Variants in USP43 observed in about 807,000 individuals in gnomAD.
The protein encoded by USP43 is ubiquitin specific peptidase 43, also known as ubiquitin carboxyl-terminal hydrolase 43.
Under a neutral mutation model 90.7 loss-of-function variants are expected in USP43, and 33 were observed. That is an observed-to-expected ratio of 0.36 (90% CI 0.28 to 0.49). The LOEUF (loss-of-function observed/expected upper bound fraction) is 0.49, where lower values mean the gene tolerates loss of function less well. Ranked by LOEUF, USP43 falls within the 20% of genes least tolerant of loss-of-function variation. The pLI, the probability that USP43 is intolerant of heterozygous loss-of-function variation, is 0.98. For missense variants in USP43, 1,274 were observed against 1,476.4 expected, an observed-to-expected ratio of 0.86 and a Z score of 2.25; for synonymous variants, 598 against 615.8, an observed-to-expected ratio of 0.97 and a Z score of 0.43.
chr17:9,651,719 A>G (rs1004004246), intron 1 of USP43, among the ~76,000 whole-genome samples: 1 of 152,230 alleles, frequency 6.6e-6, no homozygotes, highest in African/African-American at 2.4e-5. Flanking sequence ...TTTTAGATCT[A>G]CAGTGATATA....
chr17:9,728,231 C>A lies in USP43; in HGVS notation c.2613C>A (p.Ala871=). 6.2e-7 allele frequency: 1 copy of A among 1,613,882 alleles called. No individual in the cohort carries two copies. ...EKSASPRSNV[A]LPANSEDGGR... ...CAGCATCGCCGAGGTCCAACGTCGCCCTTCCTGCTAACAGCGAAGATGGTG... is the reference window on the plus strand; with the variant it reads ...CAGCATCGCCGAGGTCCAACGTCGCACTTCCTGCTAACAGCGAAGATGGTG... The change falls in exon 15 of 15, where the codon GCC becomes GCA. Residue 871 remains alanine (A), a synonymous_variant. Transcript: ENST00000285199. The surrounding 1 kb of genome is among the most constrained non-coding windows in gnomAD (Gnocchi z 6.2).
rs748156389 is a variant in USP43, at chr17:9,712,024, G to A, written c.2227G>A (p.Gly743Ser). The change falls in exon 14 of 15, where the codon GGC becomes AGC. Residue 743 changes from glycine (G) to serine (S), a missense_variant. This residue lies in a region of USP43 where 285 missense variants were observed against 349.6 expected (regional missense o/e 0.82). Transcript: ENST00000285199. Reference sequence around the variant, plus strand: ...GCTCTTACGGCTCGGGAGCCACGCTGGCAGCACAAGGGGAAGCCTGCTGTC... The same window carrying A: ...GCTCTTACGGCTCGGGAGCCACGCTAGCAGCACAAGGGGAAGCCTGCTGTC... ...HWLLRLGSHA[G>S]STRGSLLSWS... The A allele has an allele frequency of 6.2e-7, 1 of 1,612,028 alleles. No individual in the cohort carries two copies.
intron 3 of USP43, among the ~76,000 whole-genome samples, chr17:9,673,481 C>T (rs1913571593): frequency 2.0e-5 from 3 of 152,090 alleles, no homozygotes; most frequent in Admixed American, 2.0e-4. Context: ...TGCACTCTAG[C>T]CCGGGTGACA....
chr17:9,711,960 C>T lies in USP43; in HGVS notation c.2171-8C>T. On this transcript the variant is annotated splice_polypyrimidine_tract_variant and splice_region_variant and intron_variant, in intron 13 of 14. Transcript: ENST00000285199. Reference sequence around the variant, plus strand: ...GGCTCAGCCTCCCTCTCTGTGTTTCCTCCACAGGCTCTACCAGCTCCTCCC... The same window carrying T: ...GGCTCAGCCTCCCTCTCTGTGTTTCTTCCACAGGCTCTACCAGCTCCTCCC... 6.3e-7 allele frequency: 1 copy of T among 1,589,306 alleles called. No homozygotes were observed. Among genetic ancestry groups the T allele is most frequent in the Non-Finnish European group, 8.6e-7 (1 of 1,167,252 alleles).
At chr17:9,706,054 T>C (rs1915857725) in intron 12 of USP43, among the ~76,000 whole-genome samples, 1 of 152,108 alleles carries the variant, frequency 6.6e-6, no homozygotes, top group Non-Finnish European at 1.5e-5. Flanking sequence ...AGTAGGAAAA[T>C]GGTATCTCAG....
At chr17:9,703,393 G>T (rs375018117) in intron 12 of USP43, among the ~76,000 whole-genome samples, 1 of 152,198 alleles carries the variant, frequency 6.6e-6, no homozygotes, top group Non-Finnish European at 1.5e-5. Context: ...CGTGAGAAGC[G>T]TTGGCATCTG....
chr17:9,672,320 A>C (rs1240879898), intron 3 of USP43, among the ~76,000 whole-genome samples: 2 of 151,994 alleles, frequency 1.3e-5, no homozygotes, highest in East Asian at 3.9e-4. Flanking sequence ...TTCAATATAA[A>C]ATTTGCCCAT....
chr17:9,720,634 A>G (rs1479567018), intron 14 of USP43, among the ~76,000 whole-genome samples: 3 of 151,894 alleles, frequency 2.0e-5, no homozygotes, highest in African/African-American at 7.3e-5. Flanking sequence ...GATTACAGGC[A>G]TGCACCACCA....
intron 3 of USP43, among the ~76,000 whole-genome samples, chr17:9,667,810 G>A (rs75716089): frequency 0.044 from 6,728 of 152,220 alleles, 204 homozygotes; most frequent in Middle Eastern, 0.11. Flanking sequence ...ACGTGTGCGC[G>A]TGTCTGTGTG....
intron 12 of USP43, among the ~76,000 whole-genome samples, chr17:9,707,717 T>A (rs1204734921): frequency 6.6e-6 from 1 of 152,042 alleles, no homozygotes; most frequent in African/African-American, 2.4e-5. Flanking sequence ...ATGCACTGAT[T>A]ACCAGTGTCC....
chr17:9,654,123 T>C (rs1912064385), intron 1 of USP43, among the ~76,000 whole-genome samples: 1 of 152,094 alleles, frequency 6.6e-6, no homozygotes, highest in Admixed American at 6.5e-5. Context: ...TGAGGGTTGT[T>C]TGGGGGTAGG....
chr17:9,662,170 T>C (rs415432), intron 2 of USP43, among the ~76,000 whole-genome samples: 58,121 of 151,916 alleles, frequency 0.38, 14,840 homozygotes, highest in East Asian at 0.83. Flanking sequence ...ATGGGCCTAT[T>C]CCTTGGTAGG....
At chr17:9,657,565 T>A (rs996118641) in intron 2 of USP43, among the ~76,000 whole-genome samples, 3 of 151,238 alleles carry the variant, frequency 2.0e-5, no homozygotes, top group Non-Finnish European at 4.4e-5. Context: ...GGGAAAGAGA[T>A]TTAATTGACT....
intron 2 of USP43, among the ~76,000 whole-genome samples, chr17:9,661,635 G>T (rs1249821533): frequency 6.6e-6 from 1 of 152,122 alleles, no homozygotes; most frequent in African/African-American, 2.4e-5. Flanking sequence ...TGGGATTACA[G>T]GTGTGAGCCA....
intron 3 of USP43, among the ~76,000 whole-genome samples, chr17:9,672,782 C>T (rs1330147480): frequency 6.6e-6 from 1 of 152,146 alleles, no homozygotes; most frequent in East Asian, 1.9e-4. Flanking sequence ...AGTACTGGGG[C>T]CTGTTTCCTA....
At position 9,715,995 on chromosome 17, in the gene USP43, CTG is replaced by C. The variant is rs548549738; in HGVS notation, c.2335+3873_2335+3874del. Among the ~76,000 whole-genome samples, 35 of 147,020 alleles carry C rather than the reference CTG, an allele frequency of 2.4e-4. No individual in the cohort carries two copies. In the South Asian group the frequency reaches 6.1e-3, roughly 26 times the overall value. ...TGTGTGTGTGTCTGTGTTTGTGTAT[CTG>C]TGTGTGTGTCTGTGTGTGTATGTGT... On this transcript the variant is annotated intron_variant, in intron 14 of 14. Transcript: ENST00000285199.
At chr17:9,718,170 A>G (rs975452359) in intron 14 of USP43, among the ~76,000 whole-genome samples, 7 of 152,112 alleles carry the variant, frequency 4.6e-5, no homozygotes, top group African/African-American at 1.7e-4. Context: ...TGCTTTTGGG[A>G]CGAGAAATAT....
At chr17:9,651,197 T>G (rs2151961044) in intron 1 of USP43, among the ~76,000 whole-genome samples, 1 of 152,156 alleles carries the variant, frequency 6.6e-6, no homozygotes, top group Middle Eastern at 3.4e-3. Context: ...GTTTTTTTTG[T>G]TTTTTATTTG....
chr17:9,681,171 T>A (rs1597843728), intron 6 of USP43, among the ~76,000 whole-genome samples: 2 of 83,768 alleles, frequency 2.4e-5, no homozygotes, highest in Middle Eastern at 5.4e-3. Context: ...ATATAATATA[T>A]ACTATATAAT....
Sources: allele counts gnomAD v4.1 joint callset (sites outside exome capture counted in the v4.1 genomes callset), GRCh38; gene constraint gnomAD v4.1.1; regional missense constraint gnomAD v4.1.1; non-coding constraint Gnocchi (gnomAD v3.1); transcripts MANE v1.5; gene names NCBI Gene and HGNC (gene_info 2026-07-23, HGNC 2026-07-21).